The following ZGPAT variants were observed in gnomAD, a reference collection of about 807,000 sequenced individuals.
ZGPAT encodes zinc finger CCCH-type with G patch domain-containing protein.
ZGPAT carries 39 observed loss-of-function variants against 47.9 expected under a neutral mutation model. That is an observed-to-expected ratio of 0.81 (90% confidence interval 0.63 to 1.06). The LOEUF (loss-of-function observed/expected upper bound fraction) is 1.06, where lower values mean the gene tolerates loss of function less well. Among genes scored for constraint, ZGPAT ranks in the 50% least tolerant of loss-of-function variants. The pLI, the probability that ZGPAT is intolerant of heterozygous loss-of-function variation, is 0.00. For missense variants in ZGPAT, 717 were observed against 681.4 expected, an observed-to-expected ratio of 1.05 and a Z score of -0.58; for synonymous variants, 348 against 292.9, an observed-to-expected ratio of 1.19 and a Z score of -1.92.
At chr20:63,721,341 G>T (rs762927273) in intron 2 of ZGPAT, among the ~76,000 whole-genome samples, 4 of 148,518 alleles carry the variant, frequency 2.7e-5, no homozygotes, top group Non-Finnish European at 5.9e-5. Context: ...AACAGAGCGA[G>T]ACTCTGTCTC....
intron 2 of ZGPAT, among the ~76,000 whole-genome samples, chr20:63,732,804 A>G (rs963488563): frequency 3.5e-5 from 5 of 142,092 alleles, no homozygotes; most frequent in African/African-American, 1.2e-4. Flanking sequence ...GTGCATGTTT[A>G]TGCGTGTGTA....
chr20:63,734,824 G>A lies in ZGPAT; in HGVS notation c.991G>A (p.Gly331Ser). ...LTKMGYEFGK[G>S]LGRHAEGRVE... ...CAAGATGGGCTATGAGTTTGGCAAG[G>A]GTGAGTACAAGCTGCCCTGGAGAAG... Residue 331 changes from glycine to serine, a missense_variant and splice_region_variant, in exon 5 of 7, where the codon GGT becomes AGT. Coordinates refer to ENST00000355969, the MANE Select transcript of ZGPAT (RefSeq NM_181485.3). The A allele has an allele frequency of 6.3e-7, 1 of 1,588,932 alleles. No individual in the cohort carries two copies. Among genetic ancestry groups the A allele is most frequent in the Non-Finnish European group, 8.6e-7 (1 of 1,166,542 alleles).
intron 2 of ZGPAT, among the ~76,000 whole-genome samples, chr20:63,731,273 CTGTG>C (rs1003981322): frequency 5.5e-4 from 83 of 149,574 alleles, no homozygotes; most frequent in African/African-American, 2.0e-3. Context: ...ATGCGGGTGT[CTGTG>C]TGTGTGATGT....
intron 2 of ZGPAT, among the ~76,000 whole-genome samples, chr20:63,721,982 C>G (rs2091792710): frequency 6.7e-6 from 1 of 148,250 alleles, no homozygotes; most frequent in Non-Finnish European, 1.5e-5. Context: ...CATTGCACTC[C>G]AGCCTGGGCG....
chr20:63,735,561 G>T lies in ZGPAT; in HGVS notation c.1394G>T (p.Gly465Val). Reference protein sequence around the residue: ...SIQEALARNAGRHSVASAQLQ... With the variant: ...SIQEALARNAVRHSVASAQLQ... ...CAGGAGGCTCTCGCCCGCAACGCTG[G>T]CCGGTACGTGTGGGGCCCAGCTCAG... is the stretch of plus-strand genomic sequence containing the variant. The change falls in exon 6 of 7, where the codon GGC becomes GTC. Residue 465 changes from glycine to valine, a missense_variant. Coordinates refer to ENST00000355969, the MANE Select transcript of ZGPAT (RefSeq NM_181485.3). The T allele has an allele frequency of 2.0e-6, 3 of 1,514,052 alleles. No homozygotes were observed. The South Asian group carries it at 4.0e-5, about 20-fold the overall frequency. 93.8% of individuals were successfully genotyped at this position (1,514,052 alleles called of 1,614,324 possible).
intron 2 of ZGPAT, among the ~76,000 whole-genome samples, chr20:63,732,839 A>AGTGCATGTGTGT (rs1304262370): frequency 3.4e-5 from 5 of 148,130 alleles, no homozygotes; most frequent in Non-Finnish European, 7.5e-5. Flanking sequence ...TGCCTGTGTG[A>AGTGCATGTGTGT]GTGCATGTGT....
In ZGPAT at chr20:63,733,595, A is replaced by G. The variant is rs758120013; in HGVS notation, c.727A>G (p.Asn243Asp). 6.2e-7 allele frequency: 1 copy of G among 1,613,992 alleles called. No individual in the cohort carries two copies. Among genetic ancestry groups the G allele is most frequent in the African/African-American group, 1.3e-5 (1 of 74,938 alleles). The stretch of plus-strand genomic sequence containing the variant: ...CTTGTCTCTGCCCCCAGATGTGGAC[A>G]ACGGCTACTACACAGTCAAGTTTGA... ...WHAARITDVD[N>D]GYYTVKFDSL... is the part of the protein sequence containing the mutation. Residue 243 changes from asparagine to aspartate, a missense_variant, in exon 4 of 7, where the codon AAC (asparagine) becomes GAC (aspartate). Coordinates refer to ENST00000355969, the MANE Select transcript of ZGPAT (RefSeq NM_181485.3).
At position 63,736,099 on chromosome 20, in the gene ZGPAT, C is replaced by T; in HGVS notation, c.*180C>T. ...CTTGCCCACCTGCCAGTGTCTTGGG[C>T]ATTTCCTTGGCAAGGACATTAAAGT... On this transcript the variant is annotated 3_prime_UTR_variant, in exon 7 of 7. Coordinates refer to ENST00000355969, the MANE Select transcript of ZGPAT (RefSeq NM_181485.3). 3.6e-6 allele frequency: 3 copies of T among 841,486 alleles called. No individual in the cohort carries two copies. The highest frequency in any genetic ancestry group is 5.5e-6 in the Non-Finnish European group (3 of 545,616). The allele number at this position is 841,486 out of a possible 1,614,324, so 52.1% of individuals were successfully genotyped here.
intron 2 of ZGPAT, among the ~76,000 whole-genome samples, chr20:63,729,319 C>T (rs189015984): frequency 1.0e-3 from 155 of 152,292 alleles, no homozygotes; most frequent in African/African-American, 3.5e-3. Flanking sequence ...CGTGAGCCAC[C>T]GCTCCCGGCC....
intron 2 of ZGPAT, among the ~76,000 whole-genome samples, chr20:63,722,375 A>G (rs2091797704): frequency 6.6e-6 from 1 of 152,058 alleles, no homozygotes; most frequent in African/African-American, 2.4e-5. Context: ...AGTTTAATAG[A>G]AAAAAGTTTA....
chr20:63,734,336 C>G (rs2091954507), intron 4 of ZGPAT: 1 of 344,422 alleles, frequency 2.9e-6, no homozygotes, highest in South Asian at 5.1e-5. Flanking sequence ...CCCCATGTCC[C>G]TGGTGAAGGA....
chr20:63,716,838 C>T (rs4809327), intron 2 of ZGPAT, among the ~76,000 whole-genome samples: 105,938 of 152,120 alleles, frequency 0.7, 37,257 homozygotes, highest in Middle Eastern at 0.74. Flanking sequence ...TGCACCACCA[C>T]GCCTGGCTGA....
At position 63,735,631 on chromosome 20, in the gene ZGPAT, G is replaced by A. The variant is rs1224807542; in HGVS notation, c.1397+67G>A. 3 of 1,495,958 alleles carry A rather than the reference G, an allele frequency of 2.0e-6. No individual in the cohort carries two copies. The East Asian group carries it at 7.0e-5, about 35-fold the overall frequency. 92.7% of individuals were successfully genotyped at this position (1,495,958 alleles called of 1,614,324 possible). On this transcript the variant is annotated intron_variant, in intron 6 of 6. Coordinates refer to ENST00000355969, the MANE Select transcript of ZGPAT (RefSeq NM_181485.3). ...TGGCCCTGCCCCCGGGATACATGCT[G>A]GAGGTCACCTGACCCAAGCATAGCG...
At chr20:63,732,409 C>CGCGCATGTGTGTGGGTGAGGGCCTGT (rs767320496) in intron 2 of ZGPAT, among the ~76,000 whole-genome samples, 1 of 137,252 alleles carries the variant, frequency 7.3e-6, no homozygotes, top group Non-Finnish European at 1.5e-5. Context: ...CCTGTGTGTG[C>CGCGCATGTGTGTGGGTGAGGGCCTGT]GTGTGTGTGG....
chr20:63,709,781 C>T (rs1007161461), intron 2 of ZGPAT, among the ~76,000 whole-genome samples: 5 of 151,850 alleles, frequency 3.3e-5, no homozygotes, highest in Admixed American at 1.3e-4. Context: ...TGGGCTCAAC[C>T]GATCCTCCTG....
chr20:63,732,510 T>C (rs542005885), intron 2 of ZGPAT, among the ~76,000 whole-genome samples: 1 of 151,300 alleles, frequency 6.6e-6, no homozygotes, highest in South Asian at 2.1e-4. Flanking sequence ...AGGGCACGTG[T>C]GCGCGCGTGT....
intron 2 of ZGPAT, among the ~76,000 whole-genome samples, chr20:63,713,116 G>T (rs1251948117): frequency 6.6e-6 from 1 of 151,462 alleles, no homozygotes; most frequent in African/African-American, 2.4e-5. Flanking sequence ...CTGTCACCCA[G>T]GCTGGAGTGC....
At chr20:63,732,166 G>T (rs562185760) in intron 2 of ZGPAT, among the ~76,000 whole-genome samples, 12 of 150,002 alleles carry the variant, frequency 8.0e-5, no homozygotes, top group African/African-American at 2.7e-4. Context: ...TGCGCGTGTG[G>T]GTGACTGCAT....
At chr20:63,715,547 T>G (rs992587732) in intron 2 of ZGPAT, among the ~76,000 whole-genome samples, 4 of 152,170 alleles carry the variant, frequency 2.6e-5, no homozygotes, top group Non-Finnish European at 5.9e-5. Context: ...CCTTATCTTT[T>G]TAACAGTTAA....
Sources: allele counts gnomAD v4.1 joint callset (sites outside exome capture counted in the v4.1 genomes callset), GRCh38; gene constraint gnomAD v4.1.1; transcripts MANE v1.5; gene names NCBI Gene and HGNC (gene_info 2026-07-23, HGNC 2026-07-21).